Variants in PCDHGA3 observed in about 807,000 individuals in gnomAD.
PCDHGA3 encodes protocadherin gamma-A3.
A neutral mutation model predicts 58.5 loss-of-function variants in PCDHGA3; 40 were observed. The ratio of observed to expected loss-of-function variants is 0.68; its 90% confidence interval spans 0.53 to 0.89. The LOEUF (loss-of-function observed/expected upper bound fraction) is 0.89. Among genes scored for constraint, PCDHGA3 ranks in the 40% least tolerant of loss-of-function variants. The pLI, the probability that PCDHGA3 is intolerant of heterozygous loss-of-function variation, is 0.00. For missense variants in PCDHGA3, 1,223 were observed against 1,195.9 expected, an observed-to-expected ratio of 1.02 and a Z score of -0.33; for synonymous variants, 530 against 525.7, an observed-to-expected ratio of 1.01 and a Z score of -0.11.
Position 141,405,365 on chromosome 5 carries a change from C to T in PCDHGA3, c.2424+58908C>T, listed in dbSNP as rs773382376. 2.5e-6 allele frequency: 4 copies of T among 1,613,614 alleles called. No homozygotes were observed. The Admixed American group carries it at 5.0e-5, about 20-fold the overall frequency. On this transcript the variant is annotated intron_variant, in intron 1 of 3. Transcript: ENST00000253812. ...TTCCAAGTTTCCTATAGAAGACACC[C>T]CTTTGGTTCCGGTGAGTTCATTTTT...
intron 1 of PCDHGA3, among the ~76,000 whole-genome samples, chr5:141,454,743 G>A (rs1050167077): frequency 6.7e-6 from 1 of 149,684 alleles, no homozygotes; most frequent in African/African-American, 2.5e-5. Context: ...ATGAAAAGAG[G>A]CCAAACTAAT....
Position 141,485,373 on chromosome 5 carries a change from C to T in PCDHGA3, c.2425-9434C>T. 2 of 1,614,136 alleles carry T rather than the reference C, an allele frequency of 1.2e-6. No homozygotes were observed. Among genetic ancestry groups the T allele is most frequent in the East Asian group, 2.2e-5 (1 of 44,868 alleles). On this transcript the variant is annotated intron_variant, in intron 1 of 3. Transcript: ENST00000253812. This position sits in a 1 kb window ranked among gnomAD's most constrained non-coding sequence, Gnocchi z 5.7. ...CTGTCAGCTCGCAGGCTGCAGGTCG[C>T]TGGAGAGGTGAACCAAAGACACTTC... is the stretch of plus-strand genomic sequence containing the variant.
chr5:141,421,532 C>T lies in PCDHGA3; in HGVS notation c.2425-73275C>T, dbSNP rs557991200. On this transcript the variant is annotated intron_variant, in intron 1 of 3. Transcript: ENST00000253812. ...GAGGAGCTCTGTGAGACGGTGTCCT[C>T]CTGTTTTTTAAATATGGAACTTCTC... The T allele has an allele frequency of 1.4e-5, 23 of 1,613,996 alleles. No individual in the cohort carries two copies. In the African/African-American group the frequency reaches 2.4e-4, roughly 17 times the overall value.
At chr5:141,470,694 A>T (rs763715272) in intron 1 of PCDHGA3, among the ~76,000 whole-genome samples, 1 of 151,978 alleles carries the variant, frequency 6.6e-6, no homozygotes, top group African/African-American at 2.4e-5. Flanking sequence ...GAAATTCTTA[A>T]TAATTTTTAT....
At chr5:141,508,983 C>T (rs532410967) in intron 3 of PCDHGA3, among the ~76,000 whole-genome samples, 44 of 152,148 alleles carry the variant, frequency 2.9e-4, no homozygotes, top group Non-Finnish European at 4.4e-4. Flanking sequence ...GGGGTGGGGG[C>T]CAGCTGGGGT....
At chr5:141,379,827 G>A (rs1217798060) in intron 1 of PCDHGA3, among the ~76,000 whole-genome samples, 3 of 142,646 alleles carry the variant, frequency 2.1e-5, no homozygotes, top group Non-Finnish European at 3.0e-5. Flanking sequence ...GAATTTTGAA[G>A]CATCAGGAAA....
intron 1 of PCDHGA3, among the ~76,000 whole-genome samples, chr5:141,363,275 AT>A (rs1762863726): frequency 6.6e-6 from 1 of 152,224 alleles, no homozygotes; most frequent in Admixed American, 6.5e-5. Flanking sequence ...TTGCTTTTGA[AT>A]TTCCTAATTA....
At chr5:141,437,668 G>A (rs72790049) in intron 1 of PCDHGA3, among the ~76,000 whole-genome samples, 16,651 of 151,822 alleles carry the variant, frequency 0.11, 1,007 homozygotes, top group African/African-American at 0.17. Context: ...TCGAAGAGAT[G>A]TTGATCAAAC....
intron 1 of PCDHGA3, chr5:141,408,627 T>A: frequency 6.2e-7 from 1 of 1,613,916 alleles, no homozygotes; most frequent in Admixed American, 1.7e-5. Flanking sequence ...CATTTAGAAA[T>A]TTTCGAATCT....
chr5:141,432,191 G>C lies in PCDHGA3; in HGVS notation c.2425-62616G>C. 2.5e-6 allele frequency: 4 copies of C among 1,614,110 alleles called. No individual in the cohort carries two copies. Among genetic ancestry groups the C allele is most frequent in the Non-Finnish European group, 3.4e-6 (4 of 1,180,026 alleles). On this transcript the variant is annotated intron_variant, in intron 1 of 3. Coordinates refer to ENST00000253812, the MANE Select transcript of PCDHGA3 (RefSeq NM_018916.4). The surrounding 1 kb of genome is among the most constrained non-coding windows in gnomAD (Gnocchi z 6.0). ...TTCCCTCGTCTCTGTGACCGCCCAC[G>C]ACCCCGACTGTGAAGAGAACGCCCA... is the stretch of plus-strand genomic sequence containing the variant.
chr5:141,432,991 CG>C lies in PCDHGA3; in HGVS notation c.2425-61812del. 1.9e-6 allele frequency: 3 copies of C among 1,614,200 alleles called. No homozygotes were observed. Among genetic ancestry groups the C allele is most frequent in the Non-Finnish European group, 2.5e-6 (3 of 1,180,030 alleles). On this transcript the variant is annotated intron_variant, in intron 1 of 3. Transcript: ENST00000253812. This position sits in a 1 kb window ranked among gnomAD's most constrained non-coding sequence, Gnocchi z 6.0. ...CGGCGTCGCACTTTGTGGGCGTGGACGGGGTGCAGGCTTTCCTGCAGACCTA... is the reference window on the plus strand; with the variant it reads ...CGGCGTCGCACTTTGTGGGCGTGGACGGGTGCAGGCTTTCCTGCAGACCTA...
intron 1 of PCDHGA3, chr5:141,433,267 C>T (rs1462399366): frequency 7.7e-7 from 1 of 1,305,096 alleles, no homozygotes; most frequent in Non-Finnish European, 1.1e-6. Context: ...GATCATAGCT[C>T]ACTGCAGCCT....
At chr5:141,413,513 T>C (rs1369472337) in intron 1 of PCDHGA3, 34 of 1,613,974 alleles carry the variant, frequency 2.1e-5, no homozygotes, top group Non-Finnish European at 2.9e-5. Context: ...TTTAATATCC[T>C]TGTGGAAGAC....
intron 1 of PCDHGA3, chr5:141,351,865 C>T: frequency 1.9e-6 from 3 of 1,613,246 alleles, no homozygotes; most frequent in Non-Finnish European, 1.7e-6. Flanking sequence ...ACCAGGGCTC[C>T]CCCGCGCTCA....
At chr5:141,356,973 G>A in intron 1 of PCDHGA3, 2 of 1,614,266 alleles carry the variant, frequency 1.2e-6, no homozygotes, top group East Asian at 2.2e-5. Flanking sequence ...TGACCAAAGT[G>A]GTGGCAGTGG....
In PCDHGA3 at chr5:141,486,708, C is replaced by A; in HGVS notation, c.2425-8099C>A. On this transcript the variant is annotated intron_variant, in intron 1 of 3. Transcript: ENST00000253812. The surrounding 1 kb of genome is among the most constrained non-coding windows in gnomAD (Gnocchi z 5.0). ...GCTTCCTCTTTCATCTCTCTGAACC[C>A]CCAGACAGGAGCTGTTCATGCTACT... is the stretch of plus-strand genomic sequence containing the variant. 6.2e-7 allele frequency: 1 copy of A among 1,614,180 alleles called. No individual in the cohort carries two copies. Among genetic ancestry groups the A allele is most frequent in the South Asian group, 1.1e-5 (1 of 91,084 alleles).
At chr5:141,384,353 C>T in intron 1 of PCDHGA3, 1 of 1,613,848 alleles carries the variant, frequency 6.2e-7, no homozygotes, top group South Asian at 1.1e-5. Context: ...GAGGATAATG[C>T]CCAGATCACT....
Position 141,493,554 on chromosome 5 carries a change from G to A in PCDHGA3, c.2425-1253G>A, listed in dbSNP as rs2099748882. The stretch of plus-strand genomic sequence containing the variant: ...GGCCAGTTATCCTTTTGGAGATTGA[G>A]TTCCCCCAGCTCCGTTTCCTCCTAT... On this transcript the variant is annotated intron_variant, in intron 1 of 3. Coordinates refer to ENST00000253812, the MANE Select transcript of PCDHGA3 (RefSeq NM_018916.4). The surrounding 1 kb of genome is among the most constrained non-coding windows in gnomAD (Gnocchi z 4.3). 6.6e-6 allele frequency among the ~76,000 whole-genome samples: 1 copy of A among 152,166 alleles called. No homozygotes were observed. Among genetic ancestry groups the A allele is most frequent in the Admixed American group, 6.5e-5 (1 of 15,282 alleles).
Position 141,476,562 on chromosome 5 carries a change from C to G in PCDHGA3, c.2425-18245C>G. 1 of 1,614,218 alleles carries G rather than the reference C, an allele frequency of 6.2e-7. No individual in the cohort carries two copies. The highest frequency in any genetic ancestry group is 1.1e-5 in the South Asian group (1 of 91,088). On this transcript the variant is annotated intron_variant, in intron 1 of 3. Transcript: ENST00000253812. This position sits in a 1 kb window ranked among gnomAD's most constrained non-coding sequence, Gnocchi z 7.6. The stretch of plus-strand genomic sequence containing the variant: ...AAATTGGAGATTAGCGAGGCCGTGG[C>G]TCCGGGGACGCGCTTTCCGCTCGAG...
Sources: gnomAD v4.1 joint callset for allele counts (sites outside exome capture counted in the v4.1 genomes callset) on GRCh38, gnomAD v4.1.1 for gene constraint, Gnocchi (gnomAD v3.1) non-coding constraint, MANE v1.5 for transcripts, NCBI Gene and HGNC (gene_info 2026-07-23, HGNC 2026-07-21) for gene names.